FRMPD3: variants seen among roughly 807,000 people sequenced by gnomAD.
FRMPD3 encodes FERM and PDZ domain-containing protein 3.
Under a neutral mutation model 97.9 loss-of-function variants are expected in FRMPD3, and 42 were observed. The ratio of observed to expected loss-of-function variants is 0.43; its 90% CI spans 0.34 to 0.55. The LOEUF is 0.55. Among genes scored for constraint, FRMPD3 ranks in the 20% least tolerant of loss-of-function variants. The pLI is 0.03. For missense variants in FRMPD3, 1,303 were observed against 1,457.7 expected (o/e 0.89, Z 1.73); for synonymous variants, 577 against 581.1 (o/e 0.99, Z 0.10).
intron 1 of FRMPD3, among the ~76,000 whole-genome samples, chrX:107,482,163 C>T (rs1921390577): frequency 9.0e-6 from 1 of 111,009 alleles, no homozygotes; most frequent in Non-Finnish European, 1.9e-5. Flanking sequence ...GAAACCCAGT[C>T]TTGGAAAAGG....
chrX:107,549,266 C>T (rs1309172257), intron 5 of FRMPD3, among the ~76,000 whole-genome samples: 2 of 107,385 alleles, frequency 1.9e-5, no homozygotes, highest in Non-Finnish European at 3.9e-5. Context: ...GAGGTTGCAG[C>T]GAGCCGAGAT....
At chrX:107,473,073 G>A (rs926026893) in intron 1 of FRMPD3, among the ~76,000 whole-genome samples, 1 of 112,199 alleles carries the variant, frequency 8.9e-6, no homozygotes, top group Non-Finnish European at 1.9e-5. Context: ...CTTCTTTTGC[G>A]GAGAACTTTA....
intron 1 of FRMPD3, among the ~76,000 whole-genome samples, chrX:107,517,156 T>C (rs1569414436): frequency 8.9e-6 from 1 of 112,247 alleles, no homozygotes; most frequent in Non-Finnish European, 1.9e-5. Context: ...TTTCTTGTTT[T>C]TATCAGATAG....
intron 1 of FRMPD3, among the ~76,000 whole-genome samples, chrX:107,461,468 C>T (rs1448312847): frequency 2.7e-5 from 3 of 110,714 alleles, no homozygotes; most frequent in East Asian, 2.8e-4. Flanking sequence ...AGGTGCCCCA[C>T]GAATCCACCC....
chrX:107,571,855 C>T (rs1922904012), intron 12 of FRMPD3, among the ~76,000 whole-genome samples: 1 of 112,128 alleles, frequency 8.9e-6, no homozygotes, highest in Non-Finnish European at 1.9e-5. Flanking sequence ...AATGGTCTCA[C>T]ATTATATTTG....
intron 6 of FRMPD3, among the ~76,000 whole-genome samples, chrX:107,550,420 G>A (rs946276158): frequency 3.6e-5 from 4 of 112,214 alleles, no homozygotes; most frequent in African/African-American, 6.5e-5. Flanking sequence ...CTGTGTTTGC[G>A]TTACATGGGG....
chrX:107,519,869 G>A (rs966667189), intron 1 of FRMPD3, among the ~76,000 whole-genome samples: 3 of 111,892 alleles, frequency 2.7e-5, no homozygotes, highest in African/African-American at 9.8e-5. Flanking sequence ...ATTTGAGAGG[G>A]CTGGTGGGGA....
At position 107,563,077 on chromosome X, in the gene FRMPD3, G is replaced by C. The variant is rs769433078; in HGVS notation, c.1027-34G>C. 64 of 1,130,201 alleles carry C rather than the reference G, an allele frequency of 5.7e-5. No individual in the cohort carries two copies. The Middle Eastern group carries it at 7.3e-4, about 13-fold the overall frequency. The allele number at this position is 1,130,201 out of a possible 1,213,427, so 93.1% of individuals were successfully genotyped here. ...GGGTTTGCTTTTCCTGTGCCCCTCA[G>C]GCTTCTCATATTTCTGGATGGGTTT... On this transcript the variant is annotated intron_variant, in intron 10 of 14. Coordinates refer to ENST00000683843, the MANE Select transcript of FRMPD3 (RefSeq NM_001388459.1).
intron 3 of FRMPD3, among the ~76,000 whole-genome samples, chrX:107,532,563 T>A (rs1306530976): frequency 3.6e-5 from 4 of 112,132 alleles, no homozygotes; most frequent in African/African-American, 1.3e-4. Flanking sequence ...ATAAAGGATT[T>A]TCTTTAGTAT....
In FRMPD3 at chrX:107,547,731, A is replaced by G. The variant is rs1333408694; in HGVS notation, c.402+1890A>G. ...AGCCGGGGGAGTCCAGGCCCAAGTGACTCCAGGCTCTCCTATCAACCCTTT... is the reference window on the plus strand; with the variant it reads ...AGCCGGGGGAGTCCAGGCCCAAGTGGCTCCAGGCTCTCCTATCAACCCTTT... On this transcript the variant is annotated intron_variant, in intron 5 of 14. Transcript: ENST00000683843. Among the ~76,000 whole-genome samples, 4 of 111,065 alleles carry G rather than the reference A, an allele frequency of 3.6e-5. No homozygotes were observed. The East Asian group carries it at 1.1e-3, about 32-fold the overall frequency.
In FRMPD3 at chrX:107,601,304, G is replaced by A; in HGVS notation, c.3265G>A (p.Gly1089Ser). ...GEVAGKGGPV[G>S]GKPTLQKQGT... ...GGTGGCAGGCAAAGGCGGGCCAGTG[G>A]GTGGTAAGCCCACCCTGCAGAAGCA... is the stretch of plus-strand genomic sequence containing the variant. The change falls in exon 15 of 15, where the codon GGT becomes AGT. Residue 1089 changes from glycine (G) to serine (S), a missense_variant. Physicochemically the swap from Gly to Ser is moderately conservative, Grantham distance 56. This residue lies in a region of FRMPD3 where 764 missense variants were observed against 820.2 expected (regional missense o/e 0.93). Coordinates refer to ENST00000683843, the MANE Select transcript of FRMPD3 (RefSeq NM_001388459.1). 1 of 1,207,594 alleles carries A rather than the reference G, an allele frequency of 8.3e-7. No individual in the cohort carries two copies. Among genetic ancestry groups the A allele is most frequent in the Non-Finnish European group, 1.1e-6 (1 of 893,110 alleles).
At chrX:107,557,795 GTCTATATATATATATATA>G (rs1922153575) in intron 8 of FRMPD3, among the ~76,000 whole-genome samples, 1 of 26,610 alleles carries the variant, frequency 3.8e-5, no homozygotes, top group Non-Finnish European at 7.0e-5. Context: ...AAAATCTGTT[GTCTATATATATATATATA>G]TATATATATA....
chrX:107,576,614 C>G (rs1262573584), intron 13 of FRMPD3, among the ~76,000 whole-genome samples, 155 bp downstream of exon 13: 1 of 112,459 alleles, frequency 8.9e-6, no homozygotes. Flanking sequence ...CTAGCTGGCA[C>G]AGCCCAGTGG....
chrX:107,542,584 G>T (rs16985226), intron 4 of FRMPD3, among the ~76,000 whole-genome samples: 2 of 111,198 alleles, frequency 1.8e-5, no homozygotes, highest in African/African-American at 6.6e-5. Flanking sequence ...TCAGGTGAAA[G>T]AAGTGGTTTT....
chrX:107,451,323 G>C (rs1373574083), intron 1 of FRMPD3, among the ~76,000 whole-genome samples: 1 of 112,462 alleles, frequency 8.9e-6, no homozygotes, highest in Non-Finnish European at 1.9e-5. Context: ...TCTCGAAGTG[G>C]AGGGTGGGGG....
chrX:107,473,671 C>T lies in FRMPD3; in HGVS notation c.-8+23666C>T, dbSNP rs141470106. Among the ~76,000 whole-genome samples the T allele has an allele frequency of 7.9e-3, 888 of 112,364 alleles. 10 individuals carry two copies. Among genetic ancestry groups the T allele is most frequent in the African/African-American group, 0.027 (847 of 30,928 alleles). On this transcript the variant is annotated intron_variant, in intron 1 of 14. Transcript: ENST00000683843. ...TAGTGTAATATGACACTCTTTTACC[C>T]TCACCCCCAACATACACACACTTTT... is the stretch of plus-strand genomic sequence containing the variant.
intron 4 of FRMPD3, 47 bp from the exon 5 acceptor site, chrX:107,545,690 C>G (rs1295631856): frequency 9.5e-7 from 1 of 1,057,835 alleles, no homozygotes; most frequent in South Asian, 1.9e-5. Flanking sequence ...AAAGGTTAGG[C>G]TTTCCCTAGA....
intron 13 of FRMPD3, among the ~76,000 whole-genome samples, chrX:107,581,848 T>C (rs1316318565): frequency 1.8e-5 from 2 of 112,506 alleles, no homozygotes; most frequent in South Asian, 3.7e-4. Context: ...TTCCTCTTTA[T>C]TGATGAATAA....
chrX:107,582,260 TGCGA>T (rs1418989085), intron 13 of FRMPD3, among the ~76,000 whole-genome samples: 1 of 110,652 alleles, frequency 9.0e-6, no homozygotes, highest in Non-Finnish European at 1.9e-5. Context: ...CTCAGCTCAC[TGCGA>T]CCTCTGCCTC....
Sources: gnomAD v4.1 joint callset for allele counts (sites outside exome capture counted in the v4.1 genomes callset) on GRCh38, gnomAD v4.1.1 for gene constraint, gnomAD v4.1.1 regional missense constraint, MANE v1.5 for transcripts, NCBI Gene and HGNC (gene_info 2026-07-23, HGNC 2026-07-21) for gene names.